The following MMP16 variants were observed in gnomAD, a reference collection of about 807,000 sequenced individuals.
MMP16 encodes matrix metalloproteinase-16.
MMP16 carries 12 observed loss-of-function variants against 67.8 expected under a neutral mutation model. The observed-to-expected ratio is 0.18, with a 90% CI of 0.11 to 0.29. MMP16 has a LOEUF of 0.29. MMP16 is among the 10% of genes least tolerant of loss of function. The probability of loss-of-function intolerance (pLI) is 1.00; values close to 1 mark genes in which losing one functional copy is unlikely to be tolerated. For missense variants in MMP16, 475 were observed against 765.7 expected (o/e 0.62, Z 4.48); for synonymous variants, 249 against 255.9 (o/e 0.97, Z 0.26).
intron 1 of MMP16, among the ~76,000 whole-genome samples, chr8:88,203,875 T>C (rs991580019): frequency 6.6e-6 from 1 of 152,200 alleles, no homozygotes; most frequent in South Asian, 2.1e-4. Flanking sequence ...TAGTGTGCTA[T>C]TCAATAGCTA....
At chr8:88,092,400 T>G (rs1023663255) in intron 6 of MMP16, among the ~76,000 whole-genome samples, 2 of 151,954 alleles carry the variant, frequency 1.3e-5, no homozygotes, top group Non-Finnish European at 2.9e-5. Context: ...GAAACTACAG[T>G]ATCTTCCTTT....
rs548068100 is a variant in MMP16, at chr8:88,034,313, A to G, written c.*7148T>C. On this transcript the variant is annotated 3_prime_UTR_variant, in exon 10 of 10. Transcript: ENST00000286614. ...GACAGAGACTGCATAGGACAACTCAATAAGATGTATCTTTCCCAACCATCT... is the reference window on the plus strand; with the variant it reads ...GACAGAGACTGCATAGGACAACTCAGTAAGATGTATCTTTCCCAACCATCT... 84 of 152,498 alleles carry G rather than the reference A, an allele frequency of 5.5e-4. No homozygotes were observed. Among genetic ancestry groups the G allele is most frequent in the African/African-American group, 1.9e-3 (77 of 41,524 alleles). 9.4% of individuals were successfully genotyped at this position (152,498 alleles called of 1,614,324 possible). A position where few individuals can be genotyped will look rare whatever the true frequency, so the allele number is the denominator to read the frequency against.
chr8:88,093,906 G>A (rs1049393766), intron 6 of MMP16, among the ~76,000 whole-genome samples: 3 of 151,720 alleles, frequency 2.0e-5, no homozygotes, highest in Non-Finnish European at 4.4e-5. Context: ...TGTTTGAAGA[G>A]TATAACTAGA....
chr8:88,137,363 A>C (rs1225037709), intron 4 of MMP16, among the ~76,000 whole-genome samples: 1 of 152,012 alleles, frequency 6.6e-6, no homozygotes, highest in African/African-American at 2.4e-5. Flanking sequence ...TGGATAAGGA[A>C]TACCGAACCT....
At chr8:88,174,487 C>T (rs1808853203) in intron 3 of MMP16, among the ~76,000 whole-genome samples, 1 of 152,110 alleles carries the variant, frequency 6.6e-6, no homozygotes. Flanking sequence ...ACTTTCCAAC[C>T]ATTACATAAA....
chr8:88,279,788 C>G (rs1810704048), intron 1 of MMP16, among the ~76,000 whole-genome samples: 1 of 152,186 alleles, frequency 6.6e-6, no homozygotes, highest in African/African-American at 2.4e-5. Context: ...TATTTCTTCT[C>G]AAGGTATCAT....
intron 4 of MMP16, among the ~76,000 whole-genome samples, chr8:88,130,667 C>T (rs1241175673): frequency 6.6e-6 from 1 of 151,084 alleles, no homozygotes; most frequent in African/African-American, 2.4e-5. Context: ...CTGCTGGCAA[C>T]GTGGTTAAGA....
chr8:88,235,857 G>A (rs1229561828), intron 1 of MMP16, among the ~76,000 whole-genome samples: 3 of 151,310 alleles, frequency 2.0e-5, no homozygotes, highest in Admixed American at 2.0e-4. Flanking sequence ...ATACACATTT[G>A]TATTTTCTTT....
intron 1 of MMP16, among the ~76,000 whole-genome samples, chr8:88,203,889 T>A (rs1809384487): frequency 6.6e-6 from 1 of 152,196 alleles, no homozygotes; most frequent in Non-Finnish European, 1.5e-5. Flanking sequence ...ATAGCTATTT[T>A]GGGATATGAG....
At chr8:88,229,681 A>G (rs188868739) in intron 1 of MMP16, among the ~76,000 whole-genome samples, 2 of 151,260 alleles carry the variant, frequency 1.3e-5, no homozygotes, top group Admixed American at 6.6e-5. Context: ...CTATGACTTA[A>G]TCACCTAGTG....
chr8:88,158,783 G>T (rs1428325206), intron 4 of MMP16, among the ~76,000 whole-genome samples: 1 of 152,172 alleles, frequency 6.6e-6, no homozygotes, highest in Non-Finnish European at 1.5e-5. Flanking sequence ...TTCTTCTAGG[G>T]TTTGTATGGT....
chr8:88,056,819 T>C (rs1422898810), intron 7 of MMP16, among the ~76,000 whole-genome samples: 1 of 152,186 alleles, frequency 6.6e-6, no homozygotes, highest in Non-Finnish European at 1.5e-5. Flanking sequence ...CTCTTATAAC[T>C]GTTAACTCTA....
chr8:88,210,457 TAACAC>T (rs1443973805), intron 1 of MMP16, among the ~76,000 whole-genome samples: 1 of 152,184 alleles, frequency 6.6e-6, no homozygotes, highest in East Asian at 1.9e-4. Context: ...GCCCAGTTGA[TAACAC>T]AATCAACTGT....
At position 88,140,517 on chromosome 8, in the gene MMP16, G is replaced by A. The variant is rs1808195830; in HGVS notation, c.710-21656C>T. ...AAGAATTTGTAGATATATTTTAGAA[G>A]CACCACAACAGCCACATGTGCCTTA... On this transcript the variant is annotated intron_variant, in intron 4 of 9. Coordinates refer to ENST00000286614, the MANE Select transcript of MMP16 (RefSeq NM_005941.5). 2.0e-5 allele frequency among the ~76,000 whole-genome samples: 3 copies of A among 152,104 alleles called. No homozygotes were observed. The East Asian group carries it at 5.8e-4, about 29-fold the overall frequency.
intron 6 of MMP16, among the ~76,000 whole-genome samples, chr8:88,091,450 G>T (rs141937967): frequency 2.1e-3 from 314 of 151,654 alleles, no homozygotes; most frequent in African/African-American, 7.2e-3. Flanking sequence ...ATTTCTTCTG[G>T]GTATAGAGTG....
chr8:88,324,405 A>G (rs766370119), intron 1 of MMP16, among the ~76,000 whole-genome samples: 2 of 152,152 alleles, frequency 1.3e-5, no homozygotes, highest in Non-Finnish European at 2.9e-5. Context: ...AAAAATATAC[A>G]GTCTTAAACC....
intron 1 of MMP16, among the ~76,000 whole-genome samples, chr8:88,303,104 C>T (rs1326707129): frequency 6.6e-6 from 1 of 152,192 alleles, no homozygotes; most frequent in Non-Finnish European, 1.5e-5. Flanking sequence ...TGCTCAGGCA[C>T]ACACAGAGAC....
rs140581701 is a variant in MMP16, at chr8:88,269,573, G to A, written c.132+57502C>T. Among the ~76,000 whole-genome samples the A allele has an allele frequency of 2.6e-3, 403 of 152,268 alleles. 4 individuals are homozygous for A. The Middle Eastern group carries it at 0.031, about 12-fold the overall frequency. On this transcript the variant is annotated intron_variant, in intron 1 of 9. Transcript: ENST00000286614. The stretch of plus-strand genomic sequence containing the variant: ...TAGAACTGATGGCTAGCTGGAATGC[G>A]TCATTACAACCTGACCAATTGTTAC...
chr8:88,158,188 G>A (rs1808547968), intron 4 of MMP16, among the ~76,000 whole-genome samples: 1 of 152,146 alleles, frequency 6.6e-6, no homozygotes, highest in African/African-American at 2.4e-5. Flanking sequence ...TATATACCCA[G>A]TAATGGGATG....
Sources: allele counts gnomAD v4.1 joint callset (sites outside exome capture counted in the v4.1 genomes callset), GRCh38; gene constraint gnomAD v4.1.1; transcripts MANE v1.5; gene names NCBI Gene and HGNC (gene_info 2026-07-23, HGNC 2026-07-21).